STK40: variants seen among roughly 807,000 people sequenced by gnomAD.
STK40 encodes serine/threonine-protein kinase 40.
Under a neutral mutation model 47.9 loss-of-function variants are expected in STK40, and 13 were observed. The ratio of observed to expected loss-of-function variants is 0.27; its 90% CI spans 0.18 to 0.43. The LOEUF (loss-of-function observed/expected upper bound fraction) is 0.43, where lower values mean the gene tolerates loss of function less well. STK40 is among the 20% of genes least tolerant of loss of function. The pLI is 1.00. For missense variants in STK40, 460 were observed against 595.1 expected (o/e 0.77, Z 2.36); for synonymous variants, 225 against 243.2 (o/e 0.93, Z 0.69).
chr1:36,367,927 T>G, intron 1 of STK40: 1 of 982,694 alleles, frequency 1.0e-6, no homozygotes, highest in South Asian at 4.7e-5. Context: ...CATGCTCCAG[T>G]TGGAGGTGAA....
intron 1 of STK40, among the ~76,000 whole-genome samples, chr1:36,384,878 C>T (rs1647072217): frequency 6.6e-6 from 1 of 152,210 alleles, no homozygotes; most frequent in Non-Finnish European, 1.5e-5. Flanking sequence ...GAGGGAAAGG[C>T]GCCCAGCCCA....
At chr1:36,344,409 C>G (rs1156477818) in intron 7 of STK40, 145 bp from the exon 8 acceptor site, 14 of 1,085,484 alleles carry the variant, frequency 1.3e-5, no homozygotes, top group Admixed American at 6.2e-5. Context: ...CCGTGCTCCC[C>G]GCTCCCCTGT....
chr1:36,353,119 G>A (rs913981964), intron 6 of STK40, among the ~76,000 whole-genome samples: 7 of 152,214 alleles, frequency 4.6e-5, no homozygotes, highest in Non-Finnish European at 8.8e-5. Context: ...GGGCTGGGCT[G>A]GCCACATCAT....
At chr1:36,376,042 C>T (rs564681736) in intron 1 of STK40, among the ~76,000 whole-genome samples, 12 of 152,126 alleles carry the variant, frequency 7.9e-5, no homozygotes, top group African/African-American at 1.7e-4. Context: ...AAAAAATTCA[C>T]GACTTTGACA....
chr1:36,370,798 C>A (rs997339460), intron 1 of STK40, among the ~76,000 whole-genome samples: 8 of 152,086 alleles, frequency 5.3e-5, no homozygotes, highest in Admixed American at 2.6e-4. Context: ...CTGACAGATA[C>A]CAAAATCCAA....
chr1:36,368,055 G>T, intron 1 of STK40: 1 of 173,540 alleles, frequency 5.8e-6, no homozygotes, highest in Non-Finnish European at 1.1e-5. Flanking sequence ...AACTTTTACT[G>T]CCGAAGGACA....
At chr1:36,342,878 C>A (rs558300679) in intron 10 of STK40, 2 of 396,656 alleles carry the variant, frequency 5.0e-6, no homozygotes, top group Non-Finnish European at 9.2e-6. Context: ...AAGCCCTGCC[C>A]TCCAGGGGGC....
intron 6 of STK40, among the ~76,000 whole-genome samples, chr1:36,352,190 G>A (rs988497721): frequency 6.6e-6 from 1 of 152,164 alleles, no homozygotes; most frequent in Admixed American, 6.5e-5. Flanking sequence ...GGGTGTCCTC[G>A]TTGGCCACTC....
intron 6 of STK40, among the ~76,000 whole-genome samples, chr1:36,352,613 G>C (rs1458651107): frequency 1.3e-5 from 2 of 152,292 alleles, no homozygotes; most frequent in Admixed American, 6.5e-5. Context: ...AGCAGCTCTG[G>C]AATTTCCTGT....
At chr1:36,369,485 T>C (rs1646927247) in intron 1 of STK40, among the ~76,000 whole-genome samples, 1 of 152,076 alleles carries the variant, frequency 6.6e-6, no homozygotes, top group African/African-American at 2.4e-5. Flanking sequence ...TCACTGCCTT[T>C]ATATGCACCC....
At chr1:36,373,051 T>C (rs1038957204) in intron 1 of STK40, among the ~76,000 whole-genome samples, 1 of 152,094 alleles carries the variant, frequency 6.6e-6, no homozygotes, top group Non-Finnish European at 1.5e-5. Context: ...CAAGATGGAT[T>C]TGGGGGTCAT....
At chr1:36,364,106 G>T (rs914124703) in intron 1 of STK40, among the ~76,000 whole-genome samples, 5 of 149,506 alleles carry the variant, frequency 3.3e-5, no homozygotes, top group African/African-American at 2.5e-5. Context: ...AGCTGAGATC[G>T]CACCACTGTA....
rs150712193 is a variant in STK40, at chr1:36,344,252, C to T, written c.752G>A (p.Arg251His). The T allele has an allele frequency of 9.7e-5, 156 of 1,604,604 alleles. No individual in the cohort carries two copies. The highest frequency in any genetic ancestry group is 8.7e-4 in the African/African-American group (65 of 74,852). ...SPDVLSGRPY[R>H]GKPSDMWALG... ...GGCCCACATGTCACTGGGCTTGCCA[C>T]GGTACGGCCGGCCTACGGGCACACA... Residue 251 changes from arginine to histidine, a missense_variant, in exon 8 of 11, where the codon CGT becomes CAT. By Grantham distance (29) the Arg-to-His change is conservative. Coordinates refer to ENST00000373132, the MANE Select transcript of STK40 (RefSeq NM_001282547.2).
intron 1 of STK40, among the ~76,000 whole-genome samples, chr1:36,371,286 G>A (rs759920170): frequency 6.0e-4 from 90 of 151,208 alleles, no homozygotes; most frequent in Admixed American, 2.1e-3. Flanking sequence ...CGGGCGTGGT[G>A]GCTCACGCCT....
intron 5 of STK40, 83 bp from the exon 6 acceptor site, chr1:36,354,499 G>A: frequency 6.9e-7 from 1 of 1,459,582 alleles, no homozygotes; most frequent in Non-Finnish European, 9.6e-7. Flanking sequence ...GGGCTCTCCA[G>A]GTGTTCGAGA....
Position 36,343,852 on chromosome 1 carries a change from C to A in STK40, c.1004+8G>T. 5 of 1,577,578 alleles carry A rather than the reference C, an allele frequency of 3.2e-6. No individual in the cohort carries two copies. The highest frequency in any genetic ancestry group is 1.1e-5 in the South Asian group (1 of 88,148). ...GCCTTGTGCCCGGTCAAGTGCCTGT[C>A]CACTTACCATGATGCAATGATGGCA... On this transcript the variant is annotated splice_region_variant and intron_variant, in intron 9 of 10. Transcript: ENST00000373132.
chr1:36,367,674 G>A (rs1646913862), intron 1 of STK40, among the ~76,000 whole-genome samples: 1 of 150,242 alleles, frequency 6.7e-6, no homozygotes, highest in African/African-American at 2.5e-5. Flanking sequence ...GGGGTACAAA[G>A]ATGGCACTGA....
chr1:36,366,235 A>C (rs891875084), intron 1 of STK40, among the ~76,000 whole-genome samples: 8 of 152,320 alleles, frequency 5.3e-5, no homozygotes, highest in African/African-American at 1.9e-4. Context: ...CAGCACAGAC[A>C]ATCAGTGGGC....
intron 2 of STK40, among the ~76,000 whole-genome samples, chr1:36,359,041 C>A (rs1055463923): frequency 6.6e-6 from 1 of 152,166 alleles, no homozygotes. Flanking sequence ...CCAGCTTTTG[C>A]AAACACATTT....
Sources: allele counts gnomAD v4.1 joint callset (sites outside exome capture counted in the v4.1 genomes callset), GRCh38; gene constraint gnomAD v4.1.1; transcripts MANE v1.5; gene names NCBI Gene and HGNC (gene_info 2026-07-23, HGNC 2026-07-21).